The following DPY19L2 variants were observed in gnomAD, a reference collection of about 807,000 sequenced individuals.
The protein encoded by DPY19L2 is probable C-mannosyltransferase DPY19L2.
In DPY19L2, 34 loss-of-function variants were observed where a neutral mutation model predicts 97.9. The observed-to-expected ratio is 0.35, with a 90% CI of 0.26 to 0.46. The LOEUF is 0.46. DPY19L2 is among the 20% of genes least tolerant of loss of function. The probability of loss-of-function intolerance (pLI) is 1.00; values close to 1 mark genes in which losing one functional copy is unlikely to be tolerated. For synonymous variants in DPY19L2, 230 were observed against 307.9 expected (o/e 0.75, Z 2.65); for missense variants, 623 against 911.4 (o/e 0.68, Z 4.07).
intron 16 of DPY19L2, chr12:63,584,100 GATTGTACCTCTCATTAATAAATGA>G (rs1881385794): frequency 2.7e-6 from 1 of 375,232 alleles, no homozygotes; most frequent in African/African-American, 2.1e-5. Flanking sequence ...GATCCCTAGA[GATTGTACCTCTCATTAATAAATGA>G]ATAGGATGAC....
intron 11 of DPY19L2, among the ~76,000 whole-genome samples, chr12:63,611,731 CA>C (rs1487784899): frequency 2.6e-5 from 4 of 151,918 alleles, no homozygotes; most frequent in African/African-American, 7.2e-5. Context: ...AGTAACTATC[CA>C]AAATTAAATT....
intron 4 of DPY19L2, among the ~76,000 whole-genome samples, chr12:63,647,674 C>T (rs1392074495): frequency 6.6e-6 from 1 of 152,032 alleles, no homozygotes; most frequent in African/African-American, 2.4e-5. Flanking sequence ...TGCAAAGGGC[C>T]AAATACAGTC....
At chr12:63,592,100 A>AAG (rs1373086160) in intron 16 of DPY19L2, among the ~76,000 whole-genome samples, 21 of 142,626 alleles carry the variant, frequency 1.5e-4, no homozygotes, top group African/African-American at 2.4e-4. Flanking sequence ...GAAAAGAGAA[A>AAG]AGAAAAGAGA....
At position 63,580,816 on chromosome 12, in the gene DPY19L2, G is replaced by A. The variant is rs771613142; in HGVS notation, c.1746C>T (p.Arg582=). The change falls in exon 19 of 22, where the codon CGC becomes CGT. Residue 582 remains arginine, a synonymous_variant. Transcript: ENST00000324472. ...CSRQLFGWLF[R]RVRFEKVIFG... ...AGATAACCTTCTCAAAACGAACTCTGCGAAAAAGCCAGCCAAAGAGCTGAA... is the reference window on the plus strand; with the variant it reads ...AGATAACCTTCTCAAAACGAACTCTACGAAAAAGCCAGCCAAAGAGCTGAA... 1.1e-5 allele frequency: 17 copies of A among 1,611,804 alleles called. No homozygotes were observed. The highest frequency in any genetic ancestry group is 1.4e-5 in the Non-Finnish European group (17 of 1,179,238).
rs770463477 is a variant in DPY19L2 at position 63,583,813 on chromosome 12, T to G, written c.1604A>C (p.Glu535Ala). 4 of 1,611,334 alleles carry G rather than the reference T, an allele frequency of 2.5e-6. No homozygotes were observed. Among genetic ancestry groups the G allele is most frequent in the Non-Finnish European group, 3.4e-6 (4 of 1,178,190 alleles). The change falls in exon 17 of 22, where the codon GAG becomes GCG. Residue 535 changes from glutamate (E) to alanine (A), a missense_variant and splice_region_variant. This residue lies in a region of DPY19L2 where 294 missense variants were observed against 446.2 expected (regional missense o/e 0.66). Coordinates refer to ENST00000324472, the MANE Select transcript of DPY19L2 (RefSeq NM_173812.5). ...YLRKQLLEHSELAFHTLQLLV... is the reference protein window; with the variant it reads ...YLRKQLLEHSALAFHTLQLLV... ...CAGAGATTAAAATGAAAGCTTTACC[T>G]CACTGTGTTCAAGGAGCTGTTTTCT...
rs1375149163 is a variant in DPY19L2, at chr12:63,559,301, T to G, written c.*1211A>C. On this transcript the variant is annotated 3_prime_UTR_variant, in exon 22 of 22. Coordinates refer to ENST00000324472, the MANE Select transcript of DPY19L2 (RefSeq NM_173812.5). ...CTATAAGAGAACTAATCCATAAAAT[T>G]AAGGCATTTTGTTATTTCAAGTGTA... 6.6e-6 allele frequency: 1 copy of G among 152,190 alleles called. No individual in the cohort carries two copies. Among genetic ancestry groups the G allele is most frequent in the Non-Finnish European group, 1.5e-5 (1 of 68,022 alleles). The allele number at this position is 152,190 out of a possible 1,614,324, so 9.4% of individuals were successfully genotyped here. A position where few individuals can be genotyped will look rare whatever the true frequency, so the allele number is the denominator to read the frequency against.
intron 4 of DPY19L2, chr12:63,651,559 C>A (rs201173497): frequency 3.6e-5 from 7 of 195,306 alleles, no homozygotes; most frequent in East Asian, 1.5e-4. Context: ...TAAAAAAAAA[C>A]CCAAATAAAA....
At chr12:63,666,557 C>T (rs1313519453) in intron 1 of DPY19L2, 1 of 440,106 alleles carries the variant, frequency 2.3e-6, no homozygotes, top group Non-Finnish European at 4.5e-6. Context: ...TGCTTGTTTT[C>T]AATTCCTCTG....
chr12:63,668,002 A>C (rs1896530095), intron 1 of DPY19L2, 55 bp downstream of exon 1: 5 of 1,557,120 alleles, frequency 3.2e-6, no homozygotes, highest in Non-Finnish European at 4.3e-6. Flanking sequence ...CTCCTTCAAG[A>C]CTCAAGAAAA....
chr12:63,586,995 A>G lies in DPY19L2; in HGVS notation c.1581-3159T>C, dbSNP rs577606863. 1.1e-3 allele frequency among the ~76,000 whole-genome samples: 167 copies of G among 152,208 alleles called. 1 individual carries two copies. Among genetic ancestry groups the G allele is most frequent in the African/African-American group, 3.9e-3 (163 of 41,502 alleles). ...ATGGGTTAAATTCACCAATTAGAAA[A>G]CGGGTATTAGAGGAATTTGAATAGA... On this transcript the variant is annotated intron_variant, in intron 16 of 21. Transcript: ENST00000324472.
rs1251812873 is a variant in DPY19L2, at chr12:63,559,085, G to A, written c.*1427C>T. On this transcript the variant is annotated 3_prime_UTR_variant, in exon 22 of 22. Coordinates refer to ENST00000324472, the MANE Select transcript of DPY19L2 (RefSeq NM_173812.5). ...CTTTGTTAATTTTTATGAATGTTAG[G>A]TGTTATGTCTCTTTTCTTTGACGCT... The A allele has an allele frequency of 2.6e-5, 4 of 152,048 alleles. No homozygotes were observed. Among genetic ancestry groups the A allele is most frequent in the African/African-American group, 9.7e-5 (4 of 41,408 alleles). The allele number at this position is 152,048 out of a possible 1,614,324, so 9.4% of individuals were successfully genotyped here. A position where few individuals can be genotyped will look rare whatever the true frequency, so the allele number is the denominator to read the frequency against.
At chr12:63,637,539 G>A (rs1172263326) in intron 6 of DPY19L2, among the ~76,000 whole-genome samples, 5 of 152,022 alleles carry the variant, frequency 3.3e-5, no homozygotes, top group South Asian at 2.1e-4. Flanking sequence ...TATCACCACC[G>A]ATTACTCAGA....
chr12:63,585,753 A>G (rs146878717), intron 16 of DPY19L2, among the ~76,000 whole-genome samples: 2,228 of 152,310 alleles, frequency 0.015, 24 homozygotes, highest in Non-Finnish European at 0.021. Flanking sequence ...AAAAGGAAAC[A>G]TCAAAATAAA....
intron 6 of DPY19L2, among the ~76,000 whole-genome samples, chr12:63,640,657 G>C (rs1892554915): frequency 1.3e-5 from 2 of 151,982 alleles, no homozygotes; most frequent in East Asian, 3.9e-4. Flanking sequence ...AGTCACTATT[G>C]GTTGACTCTG....
At chr12:63,658,117 G>A (rs1895202422) in intron 4 of DPY19L2, among the ~76,000 whole-genome samples, 1 of 152,152 alleles carries the variant, frequency 6.6e-6, no homozygotes. Context: ...GACACCTGAA[G>A]CCTCCAGAAG....
intron 16 of DPY19L2, among the ~76,000 whole-genome samples, chr12:63,593,341 G>A (rs1203235076): frequency 6.6e-6 from 1 of 152,102 alleles, no homozygotes; most frequent in African/African-American, 2.4e-5. Context: ...ACTTGCACAC[G>A]TATGTTTATT....
At chr12:63,569,482 T>A in intron 20 of DPY19L2, 133 bp from the exon 21 acceptor site, 2 of 681,348 alleles carry the variant, frequency 2.9e-6, no homozygotes, top group Non-Finnish European at 4.5e-6. Context: ...CAAAACAGCA[T>A]CAATTATTTT....
intron 13 of DPY19L2, among the ~76,000 whole-genome samples, chr12:63,599,369 C>A (rs1053124193): frequency 6.6e-6 from 1 of 152,008 alleles, no homozygotes; most frequent in African/African-American, 2.4e-5. Flanking sequence ...GGAAATCTGT[C>A]AGACATGCCA....
chr12:63,591,020 A>G (rs1319981639), intron 16 of DPY19L2: 2 of 455,128 alleles, frequency 4.4e-6, no homozygotes, highest in Non-Finnish European at 4.4e-6. Flanking sequence ...CTATTATCCA[A>G]TTAAATATCC....
Sources: gnomAD v4.1 joint callset for allele counts (sites outside exome capture counted in the v4.1 genomes callset) on GRCh38, gnomAD v4.1.1 for gene constraint, gnomAD v4.1.1 regional missense constraint, MANE v1.5 for transcripts, NCBI Gene and HGNC (gene_info 2026-07-23, HGNC 2026-07-21) for gene names.